The following TBX15 variants were observed in gnomAD, a reference collection of about 807,000 sequenced individuals.
The protein encoded by TBX15 is T-box transcription factor 15, also known as T-box transcription factor TBX15.
TBX15 carries 18 observed loss-of-function variants against 53.9 expected under a neutral mutation model. The observed-to-expected ratio is 0.33, with a 90% CI of 0.23 to 0.49. The LOEUF (loss-of-function observed/expected upper bound fraction) is 0.49. Among genes scored for constraint, TBX15 ranks in the 20% least tolerant of loss-of-function variants. The probability of loss-of-function intolerance (pLI) is 0.98; values close to 1 mark genes in which losing one functional copy is unlikely to be tolerated. For missense variants in TBX15, 692 were observed against 749.5 expected (o/e 0.92, Z 0.90); for synonymous variants, 295 against 278.0 (o/e 1.06, Z -0.61).
At chr1:118,929,246 G>A (rs72705339) in intron 2 of TBX15, among the ~76,000 whole-genome samples, 44,006 of 152,082 alleles carry the variant, frequency 0.29, 6,711 homozygotes, top group Non-Finnish European at 0.32. Flanking sequence ...ACAGTTTGGG[G>A]TGTGGAAGGA....
chr1:118,953,818 G>T (rs1400876540), intron 1 of TBX15, among the ~76,000 whole-genome samples: 1 of 152,182 alleles, frequency 6.6e-6, no homozygotes, highest in Non-Finnish European at 1.5e-5. Flanking sequence ...CATTATTTCA[G>T]CAGATCTGAA....
At chr1:118,973,660 A>G (rs1657315741) in intron 1 of TBX15, among the ~76,000 whole-genome samples, 1 of 152,224 alleles carries the variant, frequency 6.6e-6, no homozygotes, top group Non-Finnish European at 1.5e-5. Flanking sequence ...GTCAAGCCCC[A>G]AAGAAAAAAA....
rs1018763688 is a variant in TBX15, at chr1:118,883,265, T to A, written c.*1467A>T. 2.6e-5 allele frequency: 4 copies of A among 152,650 alleles called. No individual in the cohort carries two copies. The highest frequency in any genetic ancestry group is 9.6e-5 in the African/African-American group (4 of 41,470). The allele number at this position is 152,650 out of a possible 1,614,324, so 9.5% of individuals were successfully genotyped here. On this transcript the variant is annotated 3_prime_UTR_variant, in exon 8 of 8. Coordinates refer to ENST00000369429, the MANE Select transcript of TBX15 (RefSeq NM_001330677.2). ...ACCAGAAACTTTAATAATATCTGTATTATTTTACTTGGTATTATTTGCATT... is the reference window on the plus strand; with the variant it reads ...ACCAGAAACTTTAATAATATCTGTAATATTTTACTTGGTATTATTTGCATT...
chr1:118,953,859 G>A (rs61806231), intron 1 of TBX15, among the ~76,000 whole-genome samples: 19,570 of 152,250 alleles, frequency 0.13, 1,785 homozygotes, highest in Non-Finnish European at 0.18. Flanking sequence ...GAAATGAACA[G>A]TCAAGGAGTT....
intron 3 of TBX15, 143 bp downstream of exon 3, chr1:118,926,367 C>A (rs1042518256): frequency 1.3e-6 from 1 of 775,712 alleles, no homozygotes; most frequent in Non-Finnish European, 2.2e-6. Flanking sequence ...CCACCTGGTG[C>A]TCTGCCACAG....
At chr1:118,944,573 G>C (rs1656284786) in intron 1 of TBX15, among the ~76,000 whole-genome samples, 2 of 152,206 alleles carry the variant, frequency 1.3e-5, no homozygotes. Flanking sequence ...TAGCTGGTGT[G>C]TTGTTGAGTG....
chr1:118,972,410 T>C (rs891903366), intron 1 of TBX15, among the ~76,000 whole-genome samples: 35 of 152,190 alleles, frequency 2.3e-4, no homozygotes, highest in Non-Finnish European at 7.3e-5. Flanking sequence ...AAACTTTCTT[T>C]AGAAAGAATT....
At chr1:118,986,803 G>A (rs1657855567) in intron 1 of TBX15, among the ~76,000 whole-genome samples, 1 of 152,212 alleles carries the variant, frequency 6.6e-6, no homozygotes. Context: ...GACAACAGCT[G>A]TTCCCCCGGG....
chr1:118,974,888 T>C (rs989624675), intron 1 of TBX15, among the ~76,000 whole-genome samples: 1 of 152,208 alleles, frequency 6.6e-6, no homozygotes, highest in Non-Finnish European at 1.5e-5. Context: ...TCTCTTCCTT[T>C]GTAAATTCAA....
intron 7 of TBX15, among the ~76,000 whole-genome samples, chr1:118,896,041 C>T (rs1205178125): frequency 6.6e-6 from 1 of 152,182 alleles, no homozygotes. Flanking sequence ...TTGAATGCAG[C>T]TCAACACAAA....
chr1:118,983,230 T>C (rs540930636), intron 1 of TBX15, among the ~76,000 whole-genome samples: 2 of 152,340 alleles, frequency 1.3e-5, no homozygotes, highest in African/African-American at 4.8e-5. Flanking sequence ...TTCCTCCCTA[T>C]CACAGTCCAA....
In TBX15 at chr1:118,953,794, C is replaced by T. The variant is rs138912334; in HGVS notation, c.206-21962G>A. Reference sequence around the variant, plus strand: ...TTTTTTGATGAATGTTCTTTTGCCCCCTACAAAGGTAGACATTATTTCAGC... The same window carrying T: ...TTTTTTGATGAATGTTCTTTTGCCCTCTACAAAGGTAGACATTATTTCAGC... On this transcript the variant is annotated intron_variant, in intron 1 of 7. Transcript: ENST00000369429. Among the ~76,000 whole-genome samples, 5 of 152,178 alleles carry T rather than the reference C, an allele frequency of 3.3e-5. No individual in the cohort carries two copies. In the East Asian group the frequency reaches 9.6e-4, roughly 29 times the overall value.
At chr1:118,906,841 G>A (rs1174912948) in intron 6 of TBX15, among the ~76,000 whole-genome samples, 4 of 152,156 alleles carry the variant, frequency 2.6e-5, no homozygotes, top group Non-Finnish European at 5.9e-5. Flanking sequence ...ACTGCTGGCT[G>A]CAAACACTCC....
At chr1:118,973,523 C>A (rs1657308545) in intron 1 of TBX15, among the ~76,000 whole-genome samples, 3 of 152,038 alleles carry the variant, frequency 2.0e-5, no homozygotes, top group Admixed American at 2.0e-4. Flanking sequence ...TATACACATG[C>A]CCAAAAACTG....
chr1:118,969,191 C>CT (rs967110380), intron 1 of TBX15, among the ~76,000 whole-genome samples: 2 of 152,204 alleles, frequency 1.3e-5, no homozygotes, highest in African/African-American at 4.8e-5. Flanking sequence ...TCCCAGTAGC[C>CT]TATGGTTCAG....
At chr1:118,932,454 T>C (rs1004505808) in intron 1 of TBX15, among the ~76,000 whole-genome samples, 4 of 151,994 alleles carry the variant, frequency 2.6e-5, no homozygotes, top group African/African-American at 9.7e-5. Flanking sequence ...TCAGGCCATT[T>C]TGGATGGGAA....
At position 118,914,107 on chromosome 1, in the gene TBX15, A is replaced by C. The variant is rs1655112505; in HGVS notation, c.926+8T>G. On this transcript the variant is annotated splice_region_variant and intron_variant, in intron 6 of 7. Transcript: ENST00000369429. ...GAAAAGAAGTGCCTCTTCCCCAGTG[A>C]TTCTTACCTGTTTCTCCCAGAATCT... 1 of 1,613,718 alleles carries C rather than the reference A, an allele frequency of 6.2e-7. No homozygotes were observed. The highest frequency in any genetic ancestry group is 2.2e-5 in the East Asian group (1 of 44,848).
chr1:118,931,512 C>G (rs1452743035), intron 2 of TBX15, 107 bp downstream of exon 2: 9 of 1,204,424 alleles, frequency 7.5e-6, no homozygotes, highest in Non-Finnish European at 1.1e-5. Context: ...GTGCAAGCTG[C>G]TTTGGTTTTG....
Position 118,884,949 on chromosome 1 carries a change from C to A in TBX15, c.1592G>T (p.Ser531Ile), listed in dbSNP as rs748843750. 3.3e-5 allele frequency: 54 copies of A among 1,614,128 alleles called. No individual in the cohort carries two copies. The highest frequency in any genetic ancestry group is 4.2e-5 in the Non-Finnish European group (50 of 1,180,022). ...NFPTSPRLAA[S>I]PEKLSASQST... ...TTGAGAGGCGCTCAGTTTTTCCGGGCTTGCAGCTAGCCTAGGGGAAGTGGG... is the reference window on the plus strand; with the variant it reads ...TTGAGAGGCGCTCAGTTTTTCCGGGATTGCAGCTAGCCTAGGGGAAGTGGG... The change falls in exon 8 of 8, where the codon AGC (serine) becomes ATC (isoleucine). Residue 531 changes from serine to isoleucine, a missense_variant. Around this residue, in one of 3 missense-constraint regions of TBX15, gnomAD observed 375 missense variants for 371.6 expected, o/e 1.01. Transcript: ENST00000369429.
Sources: allele counts gnomAD v4.1 joint callset (sites outside exome capture counted in the v4.1 genomes callset), GRCh38; gene constraint gnomAD v4.1.1; regional missense constraint gnomAD v4.1.1; transcripts MANE v1.5; gene names NCBI Gene and HGNC (gene_info 2026-07-23, HGNC 2026-07-21).